Variants in DNM2 observed in about 807,000 individuals in gnomAD.
DNM2 encodes dynamin-2.
A neutral mutation model predicts 99.0 loss-of-function variants in DNM2; 15 were observed. The observed-to-expected ratio is 0.15, with a 90% CI of 0.10 to 0.23. The LOEUF (loss-of-function observed/expected upper bound fraction) is 0.23, where lower values mean the gene tolerates loss of function less well. Among genes scored for constraint, DNM2 ranks in the 10% least tolerant of loss-of-function variants. The pLI, the probability that DNM2 is intolerant of heterozygous loss-of-function variation, is 1.00. For synonymous variants in DNM2, 525 were observed against 481.2 expected (o/e 1.09, Z -1.19); for missense variants, 742 against 1,189.4 (o/e 0.62, Z 5.53).
intron 1 of DNM2, among the ~76,000 whole-genome samples, chr19:10,740,449 C>T (rs1012502465): frequency 6.6e-6 from 1 of 151,690 alleles, no homozygotes; most frequent in Non-Finnish European, 1.5e-5. Context: ...GATCTTGGCT[C>T]ACTGCAAGCT....
chr19:10,801,605 C>CAAAAA (rs34520425), intron 11 of DNM2, among the ~76,000 whole-genome samples: 2 of 56,620 alleles, frequency 3.5e-5, no homozygotes, highest in African/African-American at 6.0e-5. Context: ...GTTCTTTTCT[C>CAAAAA]AAAAAAAAAA....
At chr19:10,779,179 C>G (rs1000840101) in intron 5 of DNM2, among the ~76,000 whole-genome samples, 1 of 150,660 alleles carries the variant, frequency 6.6e-6, no homozygotes, top group African/African-American at 2.4e-5. Flanking sequence ...GGCGCCACTT[C>G]ACTCCAGCCT....
rs538589986 is a variant in DNM2, at chr19:10,775,182, A to G, written c.386-521A>G. ...CTGCAACCTCCACCTTCTGGGTTCA[A>G]GTGTTTCTCATGCCTCAGCCTCCAG... On this transcript the variant is annotated intron_variant, in intron 3 of 20. Transcript: ENST00000389253. This position sits in a 1 kb window ranked among gnomAD's most constrained non-coding sequence, Gnocchi z 4.3. Among the ~76,000 whole-genome samples the G allele has an allele frequency of 6.6e-6, 1 of 152,218 alleles. No homozygotes were observed. Among genetic ancestry groups the G allele is most frequent in the East Asian group, 1.9e-4 (1 of 5,170 alleles).
Position 10,831,438 on chromosome 19 carries a change from C to T in DNM2, c.*391C>T, listed in dbSNP as rs886054147. 2.0e-5 allele frequency: 20 copies of T among 1,012,918 alleles called. No individual in the cohort carries two copies. In the African/African-American group the frequency reaches 3.3e-4, roughly 17 times the overall value. 62.7% of individuals were successfully genotyped at this position (1,012,918 alleles called of 1,614,324 possible). A position where few individuals can be genotyped will look rare whatever the true frequency, so the allele number is the denominator to read the frequency against. On this transcript the variant is annotated 3_prime_UTR_variant, in exon 21 of 21. Coordinates refer to ENST00000389253, the MANE Select transcript of DNM2 (RefSeq NM_001005361.3). This position sits in a 1 kb window ranked among gnomAD's most constrained non-coding sequence, Gnocchi z 4.3. The stretch of plus-strand genomic sequence containing the variant: ...TAAGTGCGGGCACCAAGGGCGCCTA[C>T]ATCCCCAGGCCTTGCTGGGGTGCAG...
At position 10,820,645 on chromosome 19, in the gene DNM2, C is replaced by T. The variant is rs1001654859; in HGVS notation, c.1781+556C>T. ...CCATTGGCCGAGGTGGGGAAGGCAG[C>T]GGCAGGTAGGCCTGGAGACAGCCAA... is the stretch of plus-strand genomic sequence containing the variant. On this transcript the variant is annotated intron_variant, in intron 16 of 20. Transcript: ENST00000389253. This position sits in a 1 kb window ranked among gnomAD's most constrained non-coding sequence, Gnocchi z 4.3. Among the ~76,000 whole-genome samples, 3 of 152,192 alleles carry T rather than the reference C, an allele frequency of 2.0e-5. No individual in the cohort carries two copies. Among genetic ancestry groups the T allele is most frequent in the East Asian group, 1.9e-4 (1 of 5,192 alleles).
chr19:10,827,171 A>G (rs1048573957), intron 18 of DNM2, among the ~76,000 whole-genome samples: 3 of 152,128 alleles, frequency 2.0e-5, no homozygotes, highest in Non-Finnish European at 4.4e-5. Context: ...TCACAGTTTC[A>G]TGGTGTCCTG....
Position 10,812,083 on chromosome 19 carries a change from A to T in DNM2, c.1558-181A>T. ...CGCCCACCTGCCCAGGTGGCGCCTC[A>T]TGTTGGTTTCCTGCTGGAAATGCTT... On this transcript the variant is annotated intron_variant, in intron 14 of 20. Transcript: ENST00000389253. This position sits in a 1 kb window ranked among gnomAD's most constrained non-coding sequence, Gnocchi z 4.0. 1.7e-6 allele frequency: 1 copy of T among 571,708 alleles called. No individual in the cohort carries two copies. Among genetic ancestry groups the T allele is most frequent in the Non-Finnish European group, 3.3e-6 (1 of 303,860 alleles). The allele number at this position is 571,708 out of a possible 1,614,324, so 35.4% of individuals were successfully genotyped here.
At chr19:10,746,995 G>A (rs930587751) in intron 1 of DNM2, among the ~76,000 whole-genome samples, 13 of 150,748 alleles carry the variant, frequency 8.6e-5, no homozygotes, top group East Asian at 2.0e-4. Flanking sequence ...CCTCGGCCCC[G>A]CAAAGTGCTG....
chr19:10,767,907 A>G (rs1043502304), intron 2 of DNM2, among the ~76,000 whole-genome samples: 2 of 151,976 alleles, frequency 1.3e-5, no homozygotes, highest in African/African-American at 4.8e-5. Flanking sequence ...CTCAGTCTCA[A>G]AACAAACAAA....
intron 14 of DNM2, chr19:10,810,524 G>T (rs549285410): frequency 6.6e-6 from 1 of 152,612 alleles, no homozygotes; most frequent in Non-Finnish European, 1.5e-5. Flanking sequence ...TCCCCAGCAT[G>T]GCCCCGATCA....
intron 1 of DNM2, among the ~76,000 whole-genome samples, chr19:10,750,827 G>A (rs2070166545): frequency 6.6e-6 from 1 of 152,092 alleles, no homozygotes; most frequent in Admixed American, 6.6e-5. Context: ...CAGCTACTTG[G>A]GGGGCTGAGG....
chr19:10,794,543 A>T (rs1478709815), intron 8 of DNM2, among the ~76,000 whole-genome samples: 2 of 152,096 alleles, frequency 1.3e-5, no homozygotes, highest in African/African-American at 4.8e-5. Flanking sequence ...GGAGTTCAAG[A>T]CCAGCCTGGG....
intron 1 of DNM2, among the ~76,000 whole-genome samples, chr19:10,744,655 T>A (rs1207410852): frequency 6.6e-6 from 1 of 152,100 alleles, no homozygotes; most frequent in Non-Finnish European, 1.5e-5. Context: ...GACCACCCTG[T>A]AAGGGCTGCA....
chr19:10,751,141 G>C (rs1032182436), intron 1 of DNM2, among the ~76,000 whole-genome samples: 15 of 152,046 alleles, frequency 9.9e-5, no homozygotes, highest in African/African-American at 3.6e-4. Flanking sequence ...AGGTGGGAGA[G>C]GTGTGAATGG....
In DNM2 at chr19:10,829,774, T is replaced by C. The variant is rs767953534; in HGVS notation, c.2292-353T>C. On this transcript the variant is annotated intron_variant, in intron 19 of 20. Transcript: ENST00000389253. ...AAGGGGAGGATATCGCACCCAGGCC[T>C]GCAGGTGGCAGGGACTGAGGCCCAG... Among the ~76,000 whole-genome samples the C allele has an allele frequency of 5.3e-5, 8 of 152,144 alleles. 1 individual carries two copies. The highest frequency in any genetic ancestry group is 8.8e-5 in the Non-Finnish European group (6 of 68,012).
intron 2 of DNM2, among the ~76,000 whole-genome samples, chr19:10,762,309 A>T (rs1224966002): frequency 6.6e-6 from 1 of 152,142 alleles, no homozygotes; most frequent in Non-Finnish European, 1.5e-5. Context: ...AAGTGCTGGG[A>T]TTACAGGCGT....
At position 10,830,422 on chromosome 19, in the gene DNM2, G is replaced by T; in HGVS notation, c.2543+44G>T. ...CCTCCACCCCAACTGCCTGCACCCT[G>T]GGGTCTCTCCTCCTGTCTCACTTCC... On this transcript the variant is annotated intron_variant, in intron 20 of 20. Coordinates refer to ENST00000389253, the MANE Select transcript of DNM2 (RefSeq NM_001005361.3). The surrounding 1 kb of genome is among the most constrained non-coding windows in gnomAD (Gnocchi z 4.8). 6.3e-7 allele frequency: 1 copy of T among 1,594,948 alleles called. No individual in the cohort carries two copies. The highest frequency in any genetic ancestry group is 2.2e-5 in the East Asian group (1 of 44,740).
In DNM2 at chr19:10,829,076, A is replaced by G; in HGVS notation, c.2099A>G (p.Tyr700Cys). ...CACCACGAGCTGCTGGCCTACCTATACTCCTCGGCAGACCAGAGCAGCCTC... is the reference window on the plus strand; with the variant it reads ...CACCACGAGCTGCTGGCCTACCTATGCTCCTCGGCAGACCAGAGCAGCCTC... ...FIHHELLAYLYSSADQSSLME... is the reference protein window; with the variant it reads ...FIHHELLAYLCSSADQSSLME... Residue 700 changes from tyrosine (Y) to cysteine (C), a missense_variant, in exon 19 of 21, where the codon TAC becomes TGC. Physicochemically the swap from Tyr to Cys is radical, Grantham distance 194. This residue lies in a region of DNM2 where 240 missense variants were observed against 431.3 expected (regional missense o/e 0.56). Transcript: ENST00000389253. 2 of 1,613,504 alleles carry G rather than the reference A, an allele frequency of 1.2e-6. No individual in the cohort carries two copies. Among genetic ancestry groups the G allele is most frequent in the Non-Finnish European group, 1.7e-6 (2 of 1,179,892 alleles).
At chr19:10,750,773 A>C (rs886960223) in intron 1 of DNM2, among the ~76,000 whole-genome samples, 1 of 152,018 alleles carries the variant, frequency 6.6e-6, no homozygotes, top group East Asian at 1.9e-4. Flanking sequence ...TCTACTAAAA[A>C]TACAAAGAAA....
Sources: allele counts gnomAD v4.1 joint callset (sites outside exome capture counted in the v4.1 genomes callset), GRCh38; gene constraint gnomAD v4.1.1; regional missense constraint gnomAD v4.1.1; non-coding constraint Gnocchi (gnomAD v3.1); transcripts MANE v1.5; gene names NCBI Gene and HGNC (gene_info 2026-07-23, HGNC 2026-07-21).